RORA: variants seen among roughly 807,000 people sequenced by gnomAD.
The protein encoded by RORA is RAR related orphan receptor A.
In RORA, 7 loss-of-function variants were observed where a neutral mutation model predicts 69.5. That is an observed-to-expected ratio of 0.10 (90% confidence interval 0.06 to 0.19). RORA has a LOEUF of 0.19. Among genes scored for constraint, RORA ranks in the 10% least tolerant of loss-of-function variants. The probability of loss-of-function intolerance (pLI) is 1.00; values close to 1 mark genes in which losing one functional copy is unlikely to be tolerated. For missense variants in RORA, 457 were observed against 663.0 expected, an observed-to-expected ratio of 0.69 and a Z score of 3.41; for synonymous variants, 261 against 240.8, an observed-to-expected ratio of 1.08 and a Z score of -0.78.
intron 2 of RORA, among the ~76,000 whole-genome samples, chr15:60,638,386 CTTTTTT>C (rs375782514): frequency 3.4e-5 from 4 of 117,922 alleles, no homozygotes; most frequent in African/African-American, 1.3e-4. Context: ...ATTTTCTTTT[CTTTTTT>C]TTTTTTTTTT....
chr15:60,562,321 GA>G (rs1222439673), intron 2 of RORA, among the ~76,000 whole-genome samples: 3 of 151,084 alleles, frequency 2.0e-5, no homozygotes, highest in Non-Finnish European at 4.4e-5. Context: ...CTGCAGCCTT[GA>G]CCTCCTGGGC....
intron 1 of RORA, among the ~76,000 whole-genome samples, chr15:61,167,206 T>C (rs2079545718): frequency 6.6e-6 from 1 of 152,244 alleles, no homozygotes; most frequent in Non-Finnish European, 1.5e-5. Context: ...GTCTCTTAAA[T>C]GTCAACCTGC....
At chr15:61,079,132 A>G (rs1382015905) in intron 1 of RORA, among the ~76,000 whole-genome samples, 1 of 152,172 alleles carries the variant, frequency 6.6e-6, no homozygotes, top group Non-Finnish European at 1.5e-5. Flanking sequence ...TAATTTCCCA[A>G]AAGAAAAAAA....
At chr15:61,145,779 G>T (rs1026626046) in intron 1 of RORA, among the ~76,000 whole-genome samples, 1 of 152,058 alleles carries the variant, frequency 6.6e-6, no homozygotes, top group Non-Finnish European at 1.5e-5. Context: ...AAACGATCAG[G>T]GGAAATATGT....
intron 2 of RORA, among the ~76,000 whole-genome samples, chr15:60,551,308 A>C (rs1435748052): frequency 1.3e-5 from 2 of 151,904 alleles, no homozygotes; most frequent in Admixed American, 6.6e-5. Flanking sequence ...ATGGAGTAAA[A>C]TGACAGATAA....
At chr15:60,639,551 A>G (rs560834036) in intron 2 of RORA, among the ~76,000 whole-genome samples, 28 of 152,312 alleles carry the variant, frequency 1.8e-4, no homozygotes, top group African/African-American at 6.7e-4. Context: ...GTCAAGGCCA[A>G]TGTGCCTTTC....
At chr15:60,882,011 T>C (rs2073685359) in intron 1 of RORA, among the ~76,000 whole-genome samples, 1 of 152,212 alleles carries the variant, frequency 6.6e-6, no homozygotes, top group Admixed American at 6.5e-5. Flanking sequence ...CTCAGAGCAT[T>C]GTCTTCCCGC....
intron 1 of RORA, among the ~76,000 whole-genome samples, chr15:61,035,530 A>C (rs1896412633): frequency 6.6e-6 from 1 of 152,134 alleles, no homozygotes; most frequent in Admixed American, 6.6e-5. Context: ...GGTTAATGGG[A>C]GCACTCCTGG....
intron 1 of RORA, among the ~76,000 whole-genome samples, chr15:60,969,974 G>C (rs189448331): frequency 6.6e-6 from 1 of 152,298 alleles, no homozygotes; most frequent in East Asian, 1.9e-4. Context: ...AGATACCAGA[G>C]AGCTCATGTA....
At chr15:60,771,124 T>G (rs1279785192) in intron 1 of RORA, among the ~76,000 whole-genome samples, 2 of 152,198 alleles carry the variant, frequency 1.3e-5, no homozygotes, top group Non-Finnish European at 2.9e-5. Flanking sequence ...AAGGTAGGAC[T>G]TCTGGGTCCC....
At chr15:60,737,642 A>G (rs1054708921) in intron 1 of RORA, among the ~76,000 whole-genome samples, 17 of 152,240 alleles carry the variant, frequency 1.1e-4, no homozygotes, top group African/African-American at 3.6e-4. Context: ...TCATGTGTAT[A>G]TATCAGTTGT....
At chr15:61,048,688 C>A (rs1897154619) in intron 1 of RORA, among the ~76,000 whole-genome samples, 1 of 152,110 alleles carries the variant, frequency 6.6e-6, no homozygotes, top group South Asian at 2.1e-4. Context: ...ACGTCGAGTC[C>A]AACAGGACCC....
Position 60,905,007 on chromosome 15 carries a change from T to C in RORA, c.167-226321A>G, listed in dbSNP as rs954447628. On this transcript the variant is annotated intron_variant, in intron 1 of 10. Transcript: ENST00000335670. The surrounding 1 kb of genome is among the most constrained non-coding windows in gnomAD (Gnocchi z 4.8). ...GAACTCAAAAAATGTGAGGTTGGGA[T>C]GAGCTGCATGAAGGACTGCATTACC... 6.6e-6 allele frequency among the ~76,000 whole-genome samples: 1 copy of C among 152,148 alleles called. No homozygotes were observed. Among genetic ancestry groups the C allele is most frequent in the African/African-American group, 2.4e-5 (1 of 41,426 alleles).
At chr15:61,216,680 G>A (rs75236448) in intron 1 of RORA, among the ~76,000 whole-genome samples, 189 of 152,278 alleles carry the variant, frequency 1.2e-3, no homozygotes, top group South Asian at 3.9e-3. Context: ...CAGGGAGACA[G>A]GGAAAAGGGA....
chr15:60,766,060 A>G (rs549589721), intron 1 of RORA, among the ~76,000 whole-genome samples: 3 of 152,194 alleles, frequency 2.0e-5, no homozygotes, highest in East Asian at 1.9e-4. Context: ...TTTATTACGC[A>G]TAGAAAGCTG....
intron 1 of RORA, among the ~76,000 whole-genome samples, chr15:60,931,521 T>C (rs1409855640): frequency 6.6e-6 from 1 of 152,266 alleles, no homozygotes; most frequent in African/African-American, 2.4e-5. Context: ...ATTTGATTAC[T>C]CCTTTCTTCT....
intron 1 of RORA, among the ~76,000 whole-genome samples, chr15:61,157,504 T>C (rs986182523): frequency 2.0e-5 from 3 of 152,184 alleles, no homozygotes; most frequent in Admixed American, 6.5e-5. Context: ...GTATTTGCAC[T>C]ACACAGATAC....
chr15:60,776,232 C>T (rs1275941919), intron 1 of RORA, among the ~76,000 whole-genome samples: 9 of 152,232 alleles, frequency 5.9e-5, no homozygotes. Flanking sequence ...TCTCTCCCCG[C>T]CACTCTTATT....
At chr15:60,593,517 ATTC>A (rs2068599510) in intron 2 of RORA, 2 of 152,392 alleles carry the variant, frequency 1.3e-5, no homozygotes, top group Admixed American at 6.5e-5. Flanking sequence ...TTGAAGCTTA[ATTC>A]TTCTTACTGT....
Sources: allele counts gnomAD v4.1 joint callset (sites outside exome capture counted in the v4.1 genomes callset), GRCh38; gene constraint gnomAD v4.1.1; non-coding constraint Gnocchi (gnomAD v3.1); transcripts MANE v1.5; gene names NCBI Gene and HGNC (gene_info 2026-07-23, HGNC 2026-07-21).